The following EDRF1 variants were observed in gnomAD, a reference collection of about 807,000 sequenced individuals.
The protein encoded by EDRF1 is erythroid differentiation-related factor 1.
In EDRF1, 69 loss-of-function variants were observed where a neutral mutation model predicts 148.7. That is an observed-to-expected ratio of 0.46 (90% CI 0.38 to 0.57). The LOEUF (loss-of-function observed/expected upper bound fraction) is 0.57, where lower values mean the gene tolerates loss of function less well. Among genes scored for constraint, EDRF1 ranks in the 20% least tolerant of loss-of-function variants. The pLI is 0.00. For synonymous variants in EDRF1, 515 were observed against 532.8 expected, an observed-to-expected ratio of 0.97 and a Z score of 0.46; for missense variants, 1,118 against 1,478.7, an observed-to-expected ratio of 0.76 and a Z score of 4.00.
intron 4 of EDRF1, 141 bp from the exon 5 acceptor site, chr10:125,725,177 C>A: frequency 1.9e-6 from 2 of 1,029,834 alleles, no homozygotes; most frequent in South Asian, 1.5e-5. Context: ...TATGAATTGA[C>A]CCAGAAAGAT....
Position 125,733,662 on chromosome 10 carries a change from A to G in EDRF1, c.1304A>G (p.Tyr435Cys). Residue 435 changes from tyrosine to cysteine, a missense_variant, in exon 11 of 25, where the codon TAT (tyrosine) becomes TGT (cysteine). Tyr to Cys is a radical substitution (Grantham distance 194, BLOSUM62 -2). Around this residue, in one of 3 missense-constraint regions of EDRF1, gnomAD observed 954 missense variants for 1,241.4 expected, o/e 0.77. Coordinates refer to ENST00000356792, the MANE Select transcript of EDRF1 (RefSeq NM_001202438.2). ...KASGSDIVKL[Y>C]DLTTLCEETE... ...AGTGGCAGCGATATAGTGAAGCTCT[A>G]TGACCTCACTACTCTTTGTGAAGAA... is the stretch of plus-strand genomic sequence containing the variant. 6.2e-7 allele frequency: 1 copy of G among 1,613,640 alleles called. No homozygotes were observed. Among genetic ancestry groups the G allele is most frequent in the Non-Finnish European group, 8.5e-7 (1 of 1,179,630 alleles).
intron 24 of EDRF1, among the ~76,000 whole-genome samples, chr10:125,761,560 A>G (rs1164669292): frequency 1.3e-5 from 2 of 152,226 alleles, no homozygotes. Context: ...TGTTAAGATT[A>G]GTAAAAAGGG....
At chr10:125,739,082 A>G (rs1172532739) in intron 15 of EDRF1, among the ~76,000 whole-genome samples, 1 of 151,902 alleles carries the variant, frequency 6.6e-6, no homozygotes, top group African/African-American at 2.4e-5. Context: ...TCTTTTTCCA[A>G]CCTTATTTCT....
At chr10:125,729,893 T>C (rs528302630) in intron 8 of EDRF1, among the ~76,000 whole-genome samples, 9 of 152,366 alleles carry the variant, frequency 5.9e-5, no homozygotes, top group Middle Eastern at 3.4e-3. Flanking sequence ...TACTAACTAC[T>C]TGTGAGCATT....
chr10:125,724,018 A>G, intron 4 of EDRF1, 82 bp downstream of exon 4: 2 of 1,536,722 alleles, frequency 1.3e-6, no homozygotes, highest in African/African-American at 1.4e-5. Flanking sequence ...GAGAATGGCC[A>G]AAGTGGAAAT....
chr10:125,726,470 GTATC>G (rs1848261305), intron 6 of EDRF1, among the ~76,000 whole-genome samples: 1 of 152,084 alleles, frequency 6.6e-6, no homozygotes, highest in African/African-American at 2.4e-5. Flanking sequence ...TGTACTTACT[GTATC>G]TATCAAAGAA....
chr10:125,721,273 C>T lies in EDRF1; in HGVS notation c.178C>T (p.Pro60Ser), dbSNP rs748642417. ...TGTGGTGAAATACTCTTCTGCCCCT[C>T]CTCGAACAGCATTTGCACGCCTTGA... ...RAVVKYSSAPPRTAFARLEEK... is the reference protein window; with the variant it reads ...RAVVKYSSAPSRTAFARLEEK... Residue 60 changes from proline (P) to serine (S), a missense_variant, in exon 2 of 25, where the codon CCT (proline) becomes TCT (serine). This residue lies in a region of EDRF1 where 99 missense variants were observed against 186.9 expected (regional missense o/e 0.53). Coordinates refer to ENST00000356792, the MANE Select transcript of EDRF1 (RefSeq NM_001202438.2). 9.9e-6 allele frequency: 16 copies of T among 1,614,228 alleles called. No individual in the cohort carries two copies. The East Asian group carries it at 3.3e-4, about 34-fold the overall frequency.
intron 18 of EDRF1, 74 bp from the exon 19 acceptor site, chr10:125,745,633 T>C (rs185276438): frequency 1.8e-5 from 27 of 1,486,662 alleles, no homozygotes; most frequent in African/African-American, 1.7e-4. Context: ...CCTCCTCTTA[T>C]CTCATCAAGA....
chr10:125,741,654 G>A (rs1849025431), intron 17 of EDRF1: 1 of 179,432 alleles, frequency 5.6e-6, no homozygotes, highest in South Asian at 1.1e-4. Flanking sequence ...TAAATATAAA[G>A]TAAGATATGA....
rs201795468 is a variant in EDRF1 at position 125,729,462 on chromosome 10, A to G, written c.999A>G (p.Ala333=). The G allele has an allele frequency of 2.0e-4, 327 of 1,614,198 alleles. No individual in the cohort carries two copies. The highest frequency in any genetic ancestry group is 2.5e-4 in the Non-Finnish European group (294 of 1,180,026). ...TATTTGGAGGAGGCAGATACCCAGCAGTCAGCTTACGTCTCAGGTGAACTA... is the reference window on the plus strand; with the variant it reads ...TATTTGGAGGAGGCAGATACCCAGCGGTCAGCTTACGTCTCAGGTGAACTA... ...MPIFGGGRYP[A]VSLRLRDNNK... is the part of the protein sequence containing the mutation. The change falls in exon 8 of 25, where the codon GCA becomes GCG. Residue 333 remains alanine (A), a synonymous_variant. Coordinates refer to ENST00000356792, the MANE Select transcript of EDRF1 (RefSeq NM_001202438.2).
rs1848217631 is a variant in EDRF1, at chr10:125,725,540, G to A, written c.635+98G>A. 11 of 1,574,114 alleles carry A rather than the reference G, an allele frequency of 7.0e-6. No homozygotes were observed. The South Asian group carries it at 1.2e-4, about 18-fold the overall frequency. On this transcript the variant is annotated intron_variant, in intron 5 of 24. Transcript: ENST00000356792. Reference sequence around the variant, plus strand: ...AAGTTATAATTTAAGTTTTGCCCCTGTGATACTGTTAACATTTGTTTCATA... The same window carrying A: ...AAGTTATAATTTAAGTTTTGCCCCTATGATACTGTTAACATTTGTTTCATA...
intron 21 of EDRF1, chr10:125,749,138 T>G (rs1427031923): frequency 4.9e-6 from 2 of 409,498 alleles, no homozygotes; most frequent in Non-Finnish European, 8.9e-6. Context: ...TCCCAGCAAC[T>G]TGGGAGGCTG....
In EDRF1 at chr10:125,725,921, G is replaced by T. The variant is rs762687281; in HGVS notation, c.792+83G>T. 1.2e-4 allele frequency: 160 copies of T among 1,343,048 alleles called. 1 individual carries two copies. The highest frequency in any genetic ancestry group is 1.5e-4 in the Non-Finnish European group (146 of 958,230). 83.2% of individuals were successfully genotyped at this position (1,343,048 alleles called of 1,614,324 possible). ...CATCTCGTTAAAAAAAAAAAAAGAT[G>T]AACAGGACTAAGAAATATTCTGTCA... On this transcript the variant is annotated intron_variant, in intron 6 of 24. Coordinates refer to ENST00000356792, the MANE Select transcript of EDRF1 (RefSeq NM_001202438.2).
chr10:125,731,096 A>G (rs1048226122), intron 9 of EDRF1, among the ~76,000 whole-genome samples: 2 of 152,186 alleles, frequency 1.3e-5, no homozygotes, highest in African/African-American at 2.4e-5. Context: ...GCAGTGAGCT[A>G]TGATCGTGCC....
chr10:125,728,883 T>G, intron 6 of EDRF1, 120 bp from the exon 7 acceptor site: 1 of 787,268 alleles, frequency 1.3e-6, no homozygotes, highest in Non-Finnish European at 2.0e-6. Context: ...ATTGGCCTAA[T>G]AATTCACAAT....
chr10:125,721,210 G>A lies in EDRF1; in HGVS notation c.115G>A (p.Ala39Thr). The stretch of plus-strand genomic sequence containing the variant: ...CACCCAATGTGTTAATTAGGGATCA[G>A]CTTTATTTCTTGGAGGCAATGAAGT... The part of the protein sequence containing the change: ...ESEESSAQGS[A>T]LFLGGNEVKS... Residue 39 changes from alanine to threonine, a missense_variant, in exon 2 of 25, where the codon GCT becomes ACT. Coordinates refer to ENST00000356792, the MANE Select transcript of EDRF1 (RefSeq NM_001202438.2). 1 of 1,614,112 alleles carries A rather than the reference G, an allele frequency of 6.2e-7. No homozygotes were observed. The highest frequency in any genetic ancestry group is 1.1e-5 in the South Asian group (1 of 91,076).
chr10:125,756,742 T>TA, intron 24 of EDRF1: 1 of 377,400 alleles, frequency 2.6e-6, no homozygotes, highest in Non-Finnish European at 5.0e-6. Context: ...TTGTATGTCT[T>TA]TTATATTAAA....
At chr10:125,725,898 T>G in intron 6 of EDRF1, 60 bp downstream of exon 6, 3 of 1,494,452 alleles carry the variant, frequency 2.0e-6, no homozygotes, top group Non-Finnish European at 1.8e-6. Context: ...TTTTTTAACA[T>G]CTCGTTAAAA....
At position 125,729,119 on chromosome 10, in the gene EDRF1, G is replaced by A. The variant is rs189696913; in HGVS notation, c.894+15G>A. 1,451 of 1,547,198 alleles carry A rather than the reference G, an allele frequency of 9.4e-4. 11 individuals carry two copies. Among genetic ancestry groups the A allele is most frequent in the Middle Eastern group, 8.8e-3 (53 of 6,000 alleles). Reference sequence around the variant, plus strand: ...AGCACAGTCAGGTATGCTTTCCATGGTGTCCAAGGTGACAGCAAATCCCCA... The same window carrying A: ...AGCACAGTCAGGTATGCTTTCCATGATGTCCAAGGTGACAGCAAATCCCCA... On this transcript the variant is annotated intron_variant, in intron 7 of 24. Coordinates refer to ENST00000356792, the MANE Select transcript of EDRF1 (RefSeq NM_001202438.2).
Sources: gnomAD v4.1 joint callset for allele counts (sites outside exome capture counted in the v4.1 genomes callset) on GRCh38, gnomAD v4.1.1 for gene constraint, gnomAD v4.1.1 regional missense constraint, MANE v1.5 for transcripts, NCBI Gene and HGNC (gene_info 2026-07-23, HGNC 2026-07-21) for gene names.